The following MEGF11 variants were observed in gnomAD, a reference collection of about 807,000 sequenced individuals.
MEGF11 encodes the protein multiple epidermal growth factor-like domains protein 11.
In MEGF11, 126 loss-of-function variants were observed where a neutral mutation model predicts 146.6. The observed-to-expected ratio is 0.86, with a 90% CI of 0.74 to 1.00. MEGF11 has a LOEUF of 1.00. Among genes scored for constraint, MEGF11 ranks in the 50% least tolerant of loss-of-function variants. The pLI is 0.00. For synonymous variants in MEGF11, 532 were observed against 583.4 expected (o/e 0.91, Z 1.27); for missense variants, 1,509 against 1,521.2 (o/e 0.99, Z 0.13).
chr15:66,041,631 T>C (rs2083983401), intron 5 of MEGF11, among the ~76,000 whole-genome samples: 1 of 152,372 alleles, frequency 6.6e-6, no homozygotes, highest in East Asian at 1.9e-4. Context: ...ATGCTACCTG[T>C]GTCTGCTTTT....
chr15:65,982,265 G>A lies in MEGF11; in HGVS notation c.618C>T (p.Cys206=). ...ACTAGACGCCGGTGTAGCCAGGTGC[G>A]CAGAGGCACTCGCCGGCGCGGGGGT... ...SCDPRAGECL[C]APGYTGVYCE... is the part of the protein sequence containing the mutation. The change falls in exon 6 of 26, where the codon TGC becomes TGT. Residue 206 remains cysteine (C), a synonymous_variant. Transcript: ENST00000395614. The surrounding 1 kb of genome is among the most constrained non-coding windows in gnomAD (Gnocchi z 5.6). 2 of 1,541,146 alleles carry A rather than the reference G, an allele frequency of 1.3e-6. No individual in the cohort carries two copies. The highest frequency in any genetic ancestry group is 1.7e-6 in the Non-Finnish European group (2 of 1,145,554).
chr15:66,066,915 G>A (rs2085153279), intron 5 of MEGF11, among the ~76,000 whole-genome samples: 1 of 152,208 alleles, frequency 6.6e-6, no homozygotes, highest in Non-Finnish European at 1.5e-5. Flanking sequence ...CCATCTGCCT[G>A]TCACCCACAA....
intron 9 of MEGF11, among the ~76,000 whole-genome samples, chr15:65,961,425 C>T (rs532532224): frequency 6.6e-6 from 1 of 152,184 alleles, no homozygotes; most frequent in Non-Finnish European, 1.5e-5. Flanking sequence ...ATCAATGCTG[C>T]ATCTGTTGGC....
intron 1 of MEGF11, among the ~76,000 whole-genome samples, chr15:66,191,407 A>G (rs1324359103): frequency 1.3e-5 from 2 of 152,218 alleles, no homozygotes; most frequent in Non-Finnish European, 2.9e-5. Context: ...GGAAAAATCC[A>G]TTATCTTAAC....
At chr15:66,084,716 G>A (rs187328605) in intron 5 of MEGF11, among the ~76,000 whole-genome samples, 86 of 152,282 alleles carry the variant, frequency 5.6e-4, no homozygotes, top group Non-Finnish European at 8.2e-4. Context: ...GTGGCCAGAG[G>A]AGCAGGAGGT....
At chr15:65,981,026 A>G in intron 6 of MEGF11, 128 bp from the exon 7 acceptor site, 1 of 1,216,134 alleles carries the variant, frequency 8.2e-7, no homozygotes, top group Non-Finnish European at 1.1e-6. Context: ...CATCCGCTGA[A>G]CTGCAGTCCT....
intron 1 of MEGF11, among the ~76,000 whole-genome samples, chr15:66,137,560 T>C (rs2088949056): frequency 4.3e-5 from 1 of 23,504 alleles, no homozygotes. Context: ...ACTTTCTTTC[T>C]TTTTTTTTTT....
At chr15:65,989,251 G>C (rs1265934702) in intron 5 of MEGF11, among the ~76,000 whole-genome samples, 1 of 152,168 alleles carries the variant, frequency 6.6e-6, no homozygotes, top group Non-Finnish European at 1.5e-5. Flanking sequence ...GGAATCCTGA[G>C]ACCCAGCAAG....
intron 5 of MEGF11, among the ~76,000 whole-genome samples, chr15:66,079,388 A>T (rs1224949623): frequency 1.3e-5 from 2 of 152,144 alleles, no homozygotes; most frequent in Non-Finnish European, 2.9e-5. Flanking sequence ...CAAAAGAGAC[A>T]TGGGGTTTTA....
At chr15:66,053,140 A>G (rs72744403) in intron 5 of MEGF11, among the ~76,000 whole-genome samples, 2,434 of 152,272 alleles carry the variant, frequency 0.016, 31 homozygotes, top group Middle Eastern at 0.041. Context: ...GAATGTATGG[A>G]TAATAAATGG....
chr15:66,159,081 T>C (rs1403249939), intron 1 of MEGF11, among the ~76,000 whole-genome samples: 4 of 152,252 alleles, frequency 2.6e-5, no homozygotes, highest in African/African-American at 9.6e-5. Flanking sequence ...GCTTGAGTAA[T>C]AATGATTCTA....
chr15:66,134,295 GCAGCAT>G (rs2088789649), intron 1 of MEGF11, among the ~76,000 whole-genome samples: 1 of 152,154 alleles, frequency 6.6e-6, no homozygotes, highest in Non-Finnish European at 1.5e-5. Context: ...TCCCAAGCAG[GCAGCAT>G]CTGCACCCCC....
chr15:65,921,034 C>CT (rs2079155617), intron 15 of MEGF11, among the ~76,000 whole-genome samples: 1 of 152,208 alleles, frequency 6.6e-6, no homozygotes, highest in East Asian at 1.9e-4. Context: ...GTAAATGAAA[C>CT]TGTCACATAT....
chr15:66,146,314 C>G (rs943255723), intron 1 of MEGF11, among the ~76,000 whole-genome samples: 2 of 152,238 alleles, frequency 1.3e-5, no homozygotes, highest in Non-Finnish European at 2.9e-5. Flanking sequence ...TTTGCCTCCC[C>G]TCTCCCGGCT....
At chr15:66,038,422 A>G (rs984005529) in intron 5 of MEGF11, among the ~76,000 whole-genome samples, 3 of 152,156 alleles carry the variant, frequency 2.0e-5, no homozygotes, top group African/African-American at 4.8e-5. Flanking sequence ...GCGATGCCCT[A>G]AAGTCCCCTC....
At chr15:66,186,030 TG>T (rs1567276274) in intron 1 of MEGF11, among the ~76,000 whole-genome samples, 1 of 151,814 alleles carries the variant, frequency 6.6e-6, no homozygotes, top group African/African-American at 2.4e-5. Context: ...TGGGGAGAGG[TG>T]GGGGCAGCCC....
In MEGF11 at chr15:65,918,078, G is replaced by C; in HGVS notation, c.1974C>G (p.Tyr658Ter). The change falls in exon 16 of 26, where the codon TAC (tyrosine) becomes TAG (stop). Residue 658 changes from tyrosine (Y) to a stop codon, truncating the protein, a stop_gained. Coordinates refer to ENST00000395614, the MANE Select transcript of MEGF11 (RefSeq NM_001385028.1). LOFTEE classifies it high-confidence loss of function. ...AGAGCTGGGCACAGTCCTGCCCAAA[G>C]TATCCTCCAGCACACACTGTGGGCA... ...ALCNQVCAGG[Y>*]FGQDCAQLCS... 6.2e-7 allele frequency: 1 copy of C among 1,613,930 alleles called. No homozygotes were observed. The highest frequency in any genetic ancestry group is 1.7e-4 in the Middle Eastern group (1 of 6,036).
intron 4 of MEGF11, among the ~76,000 whole-genome samples, chr15:66,103,573 G>A (rs1333613838): frequency 1.3e-5 from 2 of 152,128 alleles, no homozygotes; most frequent in Non-Finnish European, 2.9e-5. Context: ...AAGAGTAAGA[G>A]GAGGATGGGA....
At chr15:65,955,763 TATATATA>T (rs2080578409) in intron 10 of MEGF11, among the ~76,000 whole-genome samples, 1 of 5,602 alleles carries the variant, frequency 1.8e-4, no homozygotes, top group Non-Finnish European at 3.5e-4. Context: ...AAAAAAAAAA[TATATATA>T]TATATATATA....
Sources: gnomAD v4.1 joint callset for allele counts (sites outside exome capture counted in the v4.1 genomes callset) on GRCh38, gnomAD v4.1.1 for gene constraint, Gnocchi (gnomAD v3.1) non-coding constraint, MANE v1.5 for transcripts, NCBI Gene and HGNC (gene_info 2026-07-23, HGNC 2026-07-21) for gene names.